The following XRCC1 variants were observed in gnomAD, a reference collection of about 807,000 sequenced individuals.
XRCC1 encodes the protein X-ray repair cross complementing 1.
Under a neutral mutation model 83.3 loss-of-function variants are expected in XRCC1, and 52 were observed. That is an observed-to-expected ratio of 0.62 (90% CI 0.50 to 0.79). The LOEUF is 0.79. XRCC1 is among the 30% of genes least tolerant of loss of function. XRCC1 has a pLI of 0.00. For synonymous variants in XRCC1, 281 were observed against 312.6 expected (o/e 0.90, Z 1.07); for missense variants, 793 against 823.5 (o/e 0.96, Z 0.45).
Position 43,552,220 on chromosome 19 carries a change from C to A in XRCC1, c.879G>T (p.Gly293=), listed in dbSNP as rs201296138. The change falls in exon 9 of 17, where the codon GGG becomes GGT. Residue 293 remains glycine, a synonymous_variant. Transcript: ENST00000262887. ...ATAPVPARAQ[G]AVTGKPRGEG... is the part of the protein sequence containing the mutation. The stretch of plus-strand genomic sequence containing the variant: ...CTCCTCGGGGTTTGCCTGTCACTGC[C>A]CCCTGTGCTCGGGCAGGGACTGGGG... 1 of 1,613,674 alleles carries A rather than the reference C, an allele frequency of 6.2e-7. No individual in the cohort carries two copies. Among genetic ancestry groups the A allele is most frequent in the African/African-American group, 1.3e-5 (1 of 75,006 alleles).
chr19:43,548,784 A>AAAAAAAAAAGAC (rs752610644), intron 10 of XRCC1, among the ~76,000 whole-genome samples: 1 of 142,102 alleles, frequency 7.0e-6, no homozygotes, highest in Non-Finnish European at 1.5e-5. Context: ...AAAAAAAAAA[A>AAAAAAAAAAGAC]AACACAACAG....
chr19:43,553,674 A>AG lies in XRCC1; in HGVS notation c.423dup (p.Phe142LeufsTer10). The AG allele has an allele frequency of 1.3e-6, 2 of 1,516,772 alleles. No individual in the cohort carries two copies. Among genetic ancestry groups the AG allele is most frequent in the Non-Finnish European group, 1.8e-6 (2 of 1,126,354 alleles). 94.0% of individuals were successfully genotyped at this position (1,516,772 alleles called of 1,614,324 possible). A position where few individuals can be genotyped will look rare whatever the true frequency, so the allele number is the denominator to read the frequency against. ...TGAAACCGTACAAAACTCAAGCCAAAGGGGGAGTCCTGGGAAAGGAGGGGT... is the reference window on the plus strand; with the variant it reads ...TGAAACCGTACAAAACTCAAGCCAAAGGGGGGAGTCCTGGGAAAGGAGGGGT... On this transcript the variant is annotated frameshift_variant, in exon 5 of 17. Coordinates refer to ENST00000262887, the MANE Select transcript of XRCC1 (RefSeq NM_006297.3). LOFTEE classifies it high-confidence loss of function.
intron 3 of XRCC1, 22 bp downstream of exon 3, chr19:43,560,888 T>A (rs1248465926): frequency 1.3e-6 from 2 of 1,584,844 alleles, no homozygotes; most frequent in South Asian, 1.1e-5. Context: ...CAGTATGGGA[T>A]CCATCTCATA....
intron 1 of XRCC1, 70 bp from the exon 2 acceptor site, chr19:43,575,072 T>A: frequency 7.8e-7 from 1 of 1,285,450 alleles, no homozygotes; most frequent in Non-Finnish European, 1.1e-6. Context: ...TCTCAGATGA[T>A]TCCTTTGAGT....
chr19:43,551,440 C>T, intron 10 of XRCC1, 131 bp downstream of exon 10: 1 of 787,732 alleles, frequency 1.3e-6, no homozygotes, highest in Non-Finnish European at 2.1e-6. Context: ...CCCCGCTCCT[C>T]TCAGTAGTCT....
chr19:43,561,008 C>A lies in XRCC1; in HGVS notation c.157G>T (p.Glu53Ter), dbSNP rs1851751011. 6.2e-7 allele frequency: 1 copy of A among 1,613,992 alleles called. No individual in the cohort carries two copies. ...CCAATGTCCACACTGTGTATCTGCTCCTCCTTCTCCAACTGTGGGCAGAGA... is the reference window on the plus strand; with the variant it reads ...CCAATGTCCACACTGTGTATCTGCTACTCCTTCTCCAACTGTGGGCAGAGA... ...ISVVLQLEKE[E>*]QIHSVDIGND... Residue 53 changes from glutamate to a stop codon, truncating the protein, a stop_gained, in exon 3 of 17, where the codon GAG (glutamate) becomes TAG (stop). Coordinates refer to ENST00000262887, the MANE Select transcript of XRCC1 (RefSeq NM_006297.3). LOFTEE classifies it high-confidence loss of function.
chr19:43,554,391 CA>C (rs1157127074), intron 4 of XRCC1, among the ~76,000 whole-genome samples: 1 of 152,204 alleles, frequency 6.6e-6, no homozygotes, highest in Non-Finnish European at 1.5e-5. Flanking sequence ...ACCTCTCTAA[CA>C]AGTCAGTTCC....
Position 43,553,671 on chromosome 19 carries a change from C to T in XRCC1, c.427G>A (p.Gly143Ser), listed in dbSNP as rs530200061. ...CTATGAAACCGTACAAAACTCAAGC[C>T]AAAGGGGGAGTCCTGGGAAAGGAGG... ...SQPYSKDSPF[G>S]LSFVRFHSPP... The change falls in exon 5 of 17, where the codon GGC (glycine) becomes AGC (serine). Residue 143 changes from glycine to serine, a missense_variant. Coordinates refer to ENST00000262887, the MANE Select transcript of XRCC1 (RefSeq NM_006297.3). 1 of 1,531,656 alleles carries T rather than the reference C, an allele frequency of 6.5e-7. No homozygotes were observed. The highest frequency in any genetic ancestry group is 1.4e-5 in the African/African-American group (1 of 72,216). The allele number at this position is 1,531,656 out of a possible 1,614,324, so 94.9% of individuals were successfully genotyped here.
Position 43,546,708 on chromosome 19 carries a change from T to G in XRCC1, c.1313A>C (p.Lys438Thr), listed in dbSNP as rs771744315. The G allele has an allele frequency of 6.2e-7, 1 of 1,609,244 alleles. No individual in the cohort carries two copies. The highest frequency in any genetic ancestry group is 1.1e-5 in the South Asian group (1 of 90,752). Reference sequence around the variant, plus strand: ...GCTGGGTCCAGCTGCCTGAGTGGGCTTGGTTTTGGTCTGGGGTTGCTAAGG... The same window carrying G: ...GCTGGGTCCAGCTGCCTGAGTGGGCGTGGTTTTGGTCTGGGGTTGCTAAGG... ...LPQKQPQTKT[K>T]PTQAAGPSSP... Residue 438 changes from lysine (K) to threonine (T), a missense_variant, in exon 12 of 17, where the codon AAG (lysine) becomes ACG (threonine). By Grantham distance (78) the Lys-to-Thr change is moderately conservative (BLOSUM62 -1). Transcript: ENST00000262887.
At chr19:43,562,064 T>C (rs1000311454) in intron 2 of XRCC1, among the ~76,000 whole-genome samples, 1 of 147,764 alleles carries the variant, frequency 6.8e-6, no homozygotes, top group Non-Finnish European at 1.5e-5. Context: ...AAGAATCTCT[T>C]GAACCTAGGA....
chr19:43,548,770 A>AAAAAAAAAAAAAAAAAAAAAAAG (rs1972545447), intron 10 of XRCC1, among the ~76,000 whole-genome samples: 1 of 122,880 alleles, frequency 8.1e-6, no homozygotes, highest in African/African-American at 3.2e-5. Context: ...AATGATCAAA[A>AAAAAAAAAAAAAAAAAAAAAAAG]AAAAAAAAAA....
chr19:43,574,643 G>C (rs1600063061), intron 2 of XRCC1: 1 of 443,614 alleles, frequency 2.3e-6, no homozygotes, highest in East Asian at 3.9e-5. Context: ...GATTCATTTT[G>C]TTCCAGCTGA....
intron 2 of XRCC1, among the ~76,000 whole-genome samples, chr19:43,564,498 C>T (rs1010583547): frequency 2.0e-5 from 3 of 152,130 alleles, no homozygotes; most frequent in Admixed American, 6.6e-5. Context: ...TGGCTAAAAA[C>T]ACAAATTTGG....
chr19:43,549,063 G>A (rs1328462203), intron 10 of XRCC1, among the ~76,000 whole-genome samples: 2 of 152,020 alleles, frequency 1.3e-5, no homozygotes. Context: ...TGCTGTTTAG[G>A]TAAGTCACAC....
At position 43,552,104 on chromosome 19, in the gene XRCC1, T is replaced by TG. The variant is rs765946515; in HGVS notation, c.994_995insC (p.Asn332ThrfsTer10). The TG allele has an allele frequency of 6.2e-7, 1 of 1,613,736 alleles. No homozygotes were observed. Among genetic ancestry groups the TG allele is most frequent in the East Asian group, 2.2e-5 (1 of 44,850 alleles). ...ATCTCGCAGCTCGGAGCGGAAGGGG[T>TG]TCTGGAAGCCACTCAGCACCACTAC... is the stretch of plus-strand genomic sequence containing the variant. On this transcript the variant is annotated frameshift_variant, in exon 9 of 17. Coordinates refer to ENST00000262887, the MANE Select transcript of XRCC1 (RefSeq NM_006297.3). LOFTEE classifies it high-confidence loss of function.
rs1446940404 is a variant in XRCC1, at chr19:43,553,365, C to G, written c.601+36G>C. On this transcript the variant is annotated intron_variant, in intron 6 of 16. Transcript: ENST00000262887. Reference sequence around the variant, plus strand: ...TCAGACCCACGAGTCTAGGTCTCAACCCTACTCACTCAGGACCCACGTTGT... The same window carrying G: ...TCAGACCCACGAGTCTAGGTCTCAAGCCTACTCACTCAGGACCCACGTTGT... 3.1e-6 allele frequency: 5 copies of G among 1,607,604 alleles called. No individual in the cohort carries two copies. In the South Asian group the frequency reaches 5.5e-5, roughly 18 times the overall value.
intron 2 of XRCC1, among the ~76,000 whole-genome samples, chr19:43,568,174 T>C (rs1972771962): frequency 7.9e-5 from 12 of 151,102 alleles, no homozygotes; most frequent in Admixed American, 7.9e-4. Flanking sequence ...CGCCCGGCCA[T>C]GAAATGCAAT....
chr19:43,552,125 A>G lies in XRCC1; in HGVS notation c.974T>C (p.Val325Ala). ...GGGGTTCTGGAAGCCACTCAGCACCACTACCACACCCTGAAGGATCTTCCC... is the reference window on the plus strand; with the variant it reads ...GGGGTTCTGGAAGCCACTCAGCACCGCTACCACACCCTGAAGGATCTTCCC... The part of the protein sequence containing the change: ...ELGKILQGVV[V>A]VLSGFQNPFR... Residue 325 changes from valine (V) to alanine (A), a missense_variant, in exon 9 of 17, where the codon GTG becomes GCG. Val to Ala is a moderately conservative substitution (Grantham distance 64). Coordinates refer to ENST00000262887, the MANE Select transcript of XRCC1 (RefSeq NM_006297.3). 1.2e-6 allele frequency: 2 copies of G among 1,614,088 alleles called. No homozygotes were observed. The highest frequency in any genetic ancestry group is 1.7e-6 in the Non-Finnish European group (2 of 1,179,982).
intron 2 of XRCC1, among the ~76,000 whole-genome samples, chr19:43,569,047 G>GT (rs1159166429): frequency 1.3e-5 from 2 of 151,454 alleles, no homozygotes; most frequent in Non-Finnish European, 2.9e-5. Flanking sequence ...AGGAGGCCAA[G>GT]TTGGGGGATC....
Sources: gnomAD v4.1 joint callset for allele counts (sites outside exome capture counted in the v4.1 genomes callset) on GRCh38, gnomAD v4.1.1 for gene constraint, MANE v1.5 for transcripts, NCBI Gene and HGNC (gene_info 2026-07-23, HGNC 2026-07-21) for gene names.